The following OGA variants were observed in gnomAD, a reference collection of about 807,000 sequenced individuals.
OGA encodes the protein O-GlcNAcase, also known as protein O-GlcNAcase.
In OGA, 21 loss-of-function variants were observed where a neutral mutation model predicts 102.0. That is an observed-to-expected ratio of 0.21 (90% CI 0.15 to 0.30). OGA has a LOEUF of 0.30. Among genes scored for constraint, OGA ranks in the 10% least tolerant of loss-of-function variants. The pLI is 1.00. For missense variants in OGA, 765 were observed against 1,107.8 expected (o/e 0.69, Z 4.39); for synonymous variants, 408 against 378.2 (o/e 1.08, Z -0.91).
At chr10:101,816,351 G>A (rs1429280806) in intron 1 of OGA, among the ~76,000 whole-genome samples, 1 of 152,214 alleles carries the variant, frequency 6.6e-6, no homozygotes, top group Non-Finnish European at 1.5e-5. Context: ...CGGGAGGGAG[G>A]AGGAATAAAC....
intron 1 of OGA, among the ~76,000 whole-genome samples, chr10:101,814,497 G>A (rs1288239876): frequency 6.6e-6 from 1 of 152,192 alleles, no homozygotes; most frequent in Non-Finnish European, 1.5e-5. Flanking sequence ...GCTAGGGCAG[G>A]AGAACTGCTT....
chr10:101,801,095 A>T (rs2065385573), intron 7 of OGA, among the ~76,000 whole-genome samples: 1 of 151,522 alleles, frequency 6.6e-6, no homozygotes. Context: ...AAAGGCGCTG[A>T]GGGAAAAAGA....
Position 101,785,270 on chromosome 10 carries a change from G to A in OGA, c.*1181C>T, listed in dbSNP as rs1033297296. ...AAAATACATGAAGCTTTCACAATCC[G>A]GTTAAAGGAAAAAGGTAACTGTAAA... On this transcript the variant is annotated 3_prime_UTR_variant, in exon 16 of 16. Transcript: ENST00000361464. 5.3e-5 allele frequency: 8 copies of A among 152,172 alleles called. No individual in the cohort carries two copies. The highest frequency in any genetic ancestry group is 1.4e-4 in the African/African-American group (6 of 41,438). The allele number at this position is 152,172 out of a possible 1,614,324, so 9.4% of individuals were successfully genotyped here.
chr10:101,807,908 GAAA>G lies in OGA; in HGVS notation c.481-10_481-8del, dbSNP rs372242564. ...TGCACCCAAACTGAGAAACCTAGGA[GAAA>G]AAAAAAAAAAAGAATCAAGAGTAAA... On this transcript the variant is annotated splice_polypyrimidine_tract_variant and splice_region_variant and intron_variant, in intron 4 of 15. Transcript: ENST00000361464. 539 of 1,195,308 alleles carry G rather than the reference GAAA, an allele frequency of 4.5e-4. No individual in the cohort carries two copies. Among genetic ancestry groups the G allele is most frequent in the South Asian group, 2.1e-3 (100 of 48,164 alleles). 74.0% of individuals were successfully genotyped at this position (1,195,308 alleles called of 1,614,324 possible).
At chr10:101,810,084 A>T in intron 4 of OGA, 100 bp downstream of exon 4, 4 of 1,174,948 alleles carry the variant, frequency 3.4e-6, no homozygotes, top group Non-Finnish European at 4.8e-6. Flanking sequence ...AAAACAAAGA[A>T]ATAGGAATTT....
chr10:101,790,240 C>T (rs1240702355), intron 14 of OGA, among the ~76,000 whole-genome samples: 1 of 147,690 alleles, frequency 6.8e-6, no homozygotes, highest in Non-Finnish European at 1.5e-5. Flanking sequence ...GTCCTGAGTA[C>T]TCAACAAAAC....
In OGA at chr10:101,798,861, T is replaced by C; in HGVS notation, c.1790A>G (p.Lys597Arg). 1 of 1,613,484 alleles carries C rather than the reference T, an allele frequency of 6.2e-7. No individual in the cohort carries two copies. Among genetic ancestry groups the C allele is most frequent in the Non-Finnish European group, 8.5e-7 (1 of 1,179,576 alleles). The change falls in exon 9 of 16, where the codon AAA (lysine) becomes AGA (arginine). Residue 597 changes from lysine to arginine, a missense_variant. Physicochemically the swap from Lys to Arg is conservative, Grantham distance 26. Coordinates refer to ENST00000361464, the MANE Select transcript of OGA (RefSeq NM_012215.5). ...ACTCACTTTTTCAGAGTCTTTTCCT[T>C]TGCAATTGACACTGACAACACTACT... ...ANSSVVSVNC[K>R]GKDSEKIEEW...
chr10:101,787,826 G>C (rs567634740), intron 14 of OGA: 21 of 246,392 alleles, frequency 8.5e-5, no homozygotes, highest in Non-Finnish European at 1.6e-4. Flanking sequence ...TCCTGGGCTC[G>C]AGTGATCCTT....
At chr10:101,804,495 G>C (rs371973376) in intron 6 of OGA, among the ~76,000 whole-genome samples, 3 of 151,862 alleles carry the variant, frequency 2.0e-5, no homozygotes, top group East Asian at 1.9e-4. Context: ...GGATGGTCTC[G>C]ATCTCCTCAC....
chr10:101,805,387 G>C (rs2065454551), intron 6 of OGA, among the ~76,000 whole-genome samples: 1 of 152,124 alleles, frequency 6.6e-6, no homozygotes, highest in African/African-American at 2.4e-5. Flanking sequence ...AGGTGCAGTG[G>C]GTCACATGTG....
At chr10:101,801,774 A>G (rs1472963670) in intron 7 of OGA, among the ~76,000 whole-genome samples, 1 of 152,246 alleles carries the variant, frequency 6.6e-6, no homozygotes, top group Non-Finnish European at 1.5e-5. Context: ...TGAGAAACAG[A>G]TGACAACTAT....
chr10:101,806,199 C>G (rs888612862), intron 5 of OGA, 56 bp from the exon 6 acceptor site: 1 of 1,135,110 alleles, frequency 8.8e-7, no homozygotes, highest in Non-Finnish European at 1.3e-6. Context: ...TGGGTTTTCT[C>G]TTTGTTTGTT....
intron 6 of OGA, among the ~76,000 whole-genome samples, chr10:101,804,247 CT>C (rs950611916): frequency 1.4e-5 from 2 of 147,376 alleles, no homozygotes; most frequent in Non-Finnish European, 3.0e-5. Flanking sequence ...GCATATATAA[CT>C]TTTTATTGTT....
At chr10:101,809,768 A>C (rs2065528409) in intron 4 of OGA, among the ~76,000 whole-genome samples, 1 of 151,746 alleles carries the variant, frequency 6.6e-6, no homozygotes, top group African/African-American at 2.4e-5. Flanking sequence ...GAAACAAAGA[A>C]ATAAAAAACC....
chr10:101,807,536 TG>T (rs2065492287), intron 5 of OGA, among the ~76,000 whole-genome samples, 193 bp downstream of exon 5: 1 of 152,224 alleles, frequency 6.6e-6, no homozygotes, highest in Non-Finnish European at 1.5e-5. Flanking sequence ...AAAAATCTTT[TG>T]CCTAGTCAGT....
At chr10:101,793,772 A>G in intron 11 of OGA, 141 bp downstream of exon 11, 1 of 626,326 alleles carries the variant, frequency 1.6e-6, no homozygotes, top group Non-Finnish European at 2.8e-6. Context: ...AATTTGATTT[A>G]AAAATCCAGC....
At position 101,794,252 on chromosome 10, in the gene OGA, C is replaced by T. The variant is rs1408239686; in HGVS notation, c.1985-254G>A. On this transcript the variant is annotated intron_variant, in intron 10 of 15. Coordinates refer to ENST00000361464, the MANE Select transcript of OGA (RefSeq NM_012215.5). Reference sequence around the variant, plus strand: ...TTAATTACTGGAAGGAAAGTAAGTCCCAAGTTTGTCTGAGTCAACTTTATA... The same window carrying T: ...TTAATTACTGGAAGGAAAGTAAGTCTCAAGTTTGTCTGAGTCAACTTTATA... 4.1e-5 allele frequency among the ~76,000 whole-genome samples: 4 copies of T among 96,736 alleles called. No individual in the cohort carries two copies. In the Admixed American group the frequency reaches 4.2e-4, roughly 10 times the overall value. 63.5% of individuals were successfully genotyped at this position (96,736 alleles called of 152,430 possible).
intron 13 of OGA, 72 bp from the exon 14 acceptor site, chr10:101,791,160 G>A (rs2065255637): frequency 2.0e-6 from 3 of 1,466,948 alleles, no homozygotes; most frequent in South Asian, 2.6e-5. Flanking sequence ...AGTGATCCAA[G>A]ACCCACTGTA....
At chr10:101,788,144 A>G in intron 14 of OGA, among the ~76,000 whole-genome samples, 1 of 150,228 alleles carries the variant, frequency 6.7e-6, no homozygotes. Flanking sequence ...AAAAAAAAAA[A>G]AAAAAAGTTT....
Sources: allele counts gnomAD v4.1 joint callset (sites outside exome capture counted in the v4.1 genomes callset), GRCh38; gene constraint gnomAD v4.1.1; transcripts MANE v1.5; gene names NCBI Gene and HGNC (gene_info 2026-07-23, HGNC 2026-07-21).